METTL15: variants seen among roughly 807,000 people sequenced by gnomAD.
METTL15 encodes methyltransferase 15, mitochondrial 12S rRNA N4-cytidine.
Under a neutral mutation model 38.3 loss-of-function variants are expected in METTL15, and 34 were observed. That is an observed-to-expected ratio of 0.89 (90% CI 0.68 to 1.18). The LOEUF is 1.18. Ranked by LOEUF, METTL15 falls within the 50% of genes most tolerant of loss-of-function variation. METTL15 has a pLI of 0.00. For missense variants in METTL15, 438 were observed against 498.4 expected (o/e 0.88, Z 1.15); for synonymous variants, 162 against 170.9 (o/e 0.95, Z 0.41).
At chr11:28,448,440 G>T (rs1475949055) in intron 6 of METTL15, among the ~76,000 whole-genome samples, 1 of 152,084 alleles carries the variant, frequency 6.6e-6, no homozygotes, top group Non-Finnish European at 1.5e-5. Context: ...TCAAGATCTT[G>T]CTTCTCATGG....
chr11:28,303,595 A>G (rs1267115418), intron 6 of METTL15, among the ~76,000 whole-genome samples: 6 of 152,168 alleles, frequency 3.9e-5, no homozygotes, highest in Non-Finnish European at 7.4e-5. Flanking sequence ...AAATGTATAG[A>G]TTTATTCCTT....
chr11:28,457,504 G>C (rs1231177070), intron 6 of METTL15, among the ~76,000 whole-genome samples: 1 of 152,164 alleles, frequency 6.6e-6, no homozygotes. Context: ...CAAGCAGTCT[G>C]AAAGGTTGAT....
chr11:28,236,698 G>A (rs1055537373), intron 4 of METTL15, among the ~76,000 whole-genome samples: 7 of 152,050 alleles, frequency 4.6e-5, no homozygotes, highest in African/African-American at 1.4e-4. Flanking sequence ...TCCTAATCTC[G>A]ATGTTCTTTA....
intron 4 of METTL15, among the ~76,000 whole-genome samples, chr11:28,220,113 C>T (rs1853123660): frequency 6.6e-6 from 1 of 152,082 alleles, no homozygotes; most frequent in Non-Finnish European, 1.5e-5. Context: ...TCCTGTATAT[C>T]TTTTTTAACT....
chr11:28,154,942 C>G (rs1055749110), intron 3 of METTL15, among the ~76,000 whole-genome samples: 1 of 152,022 alleles, frequency 6.6e-6, no homozygotes, highest in South Asian at 2.1e-4. Flanking sequence ...CAAAACTGGG[C>G]AAGTTTTATC....
At chr11:28,165,274 G>A (rs1021055145) in intron 3 of METTL15, among the ~76,000 whole-genome samples, 1 of 151,928 alleles carries the variant, frequency 6.6e-6, no homozygotes, top group Admixed American at 6.6e-5. Context: ...TTTTCATAAT[G>A]GTTGTATTAA....
intron 6 of METTL15, among the ~76,000 whole-genome samples, chr11:28,313,546 T>C (rs1002804308): frequency 4.6e-5 from 7 of 151,916 alleles, no homozygotes; most frequent in Non-Finnish European, 1.0e-4. Context: ...TGTTAGGAAA[T>C]TAAAAAAAAC....
chr11:28,162,680 C>T (rs1850508384), intron 3 of METTL15, among the ~76,000 whole-genome samples: 1 of 152,068 alleles, frequency 6.6e-6, no homozygotes, highest in African/African-American at 2.4e-5. Flanking sequence ...GTGCTCTGGA[C>T]TCTTCTATTA....
chr11:28,220,008 G>A (rs774987683), intron 4 of METTL15, among the ~76,000 whole-genome samples: 21 of 152,146 alleles, frequency 1.4e-4, no homozygotes, highest in Non-Finnish European at 2.4e-4. Context: ...GAATAAGTGC[G>A]ATGTGGTGCT....
intron 6 of METTL15, among the ~76,000 whole-genome samples, chr11:28,494,531 C>T (rs4489727): frequency 0.41 from 62,588 of 151,912 alleles, 14,440 homozygotes; most frequent in Admixed American, 0.53. Context: ...TGTGCTTTAT[C>T]ATCTTATCTC....
downstream of METTL15, among the ~76,000 whole-genome samples, chr11:28,336,950 T>G (rs1849906140): frequency 6.6e-6 from 1 of 152,164 alleles, no homozygotes; most frequent in African/African-American, 2.4e-5. Context: ...TGTACATTAT[T>G]ACCCCTGAAC....
At chr11:28,202,700 A>AT (rs1458574125) in intron 3 of METTL15, among the ~76,000 whole-genome samples, 1 of 152,070 alleles carries the variant, frequency 6.6e-6, no homozygotes, top group Non-Finnish European at 1.5e-5. Flanking sequence ...TTTAACTAAA[A>AT]TTTTTTCAAA....
At chr11:28,461,263 G>A (rs1851211592) in intron 6 of METTL15, among the ~76,000 whole-genome samples, 1 of 152,036 alleles carries the variant, frequency 6.6e-6, no homozygotes, top group South Asian at 2.1e-4. Flanking sequence ...TTGAGCAATT[G>A]ACAAGTGGGG....
chr11:28,372,866 G>A (rs1479309402), intron 5 of METTL15, among the ~76,000 whole-genome samples: 50 of 142,696 alleles, frequency 3.5e-4, no homozygotes, highest in African/African-American at 1.1e-3. Flanking sequence ...GAGAATATGC[G>A]GTGTTTGGTT....
chr11:28,366,526 A>G (rs770191934), intron 5 of METTL15, among the ~76,000 whole-genome samples: 1 of 152,194 alleles, frequency 6.6e-6, no homozygotes, highest in Non-Finnish European at 1.5e-5. Flanking sequence ...ACTGCCATCA[A>G]TTGAGTGAGC....
intron 4 of METTL15, among the ~76,000 whole-genome samples, chr11:28,219,162 G>A (rs1214609009): frequency 6.6e-6 from 1 of 152,172 alleles, no homozygotes; most frequent in Non-Finnish European, 1.5e-5. Flanking sequence ...ACCTCTGGTA[G>A]AATTAGGCTG....
intron 5 of METTL15, among the ~76,000 whole-genome samples, chr11:28,376,717 T>G (rs1185791335): frequency 2.6e-5 from 4 of 151,632 alleles, no homozygotes; most frequent in African/African-American, 4.8e-5. Context: ...GTTAGCTGGT[T>G]ATTTTGCTCG....
rs1469801792 is a variant in METTL15, at chr11:28,148,962, C to T, written c.270+35358C>T. ...CTGCATTCATAGCATAATAATACTG[C>T]GTTAAAAGGATGGGAAATGAGAATA... On this transcript the variant is annotated intron_variant, in intron 3 of 6. Coordinates refer to ENST00000407364, the MANE Select transcript of METTL15 (RefSeq NM_001113528.2). 3.3e-5 allele frequency among the ~76,000 whole-genome samples: 5 copies of T among 151,944 alleles called. No individual in the cohort carries two copies. In the East Asian group the frequency reaches 5.8e-4, roughly 18 times the overall value.
At chr11:28,383,143 G>C (rs963137134) in intron 5 of METTL15, among the ~76,000 whole-genome samples, 7 of 152,072 alleles carry the variant, frequency 4.6e-5, no homozygotes, top group African/African-American at 1.7e-4. Context: ...GTAGGCCCCA[G>C]TATCTATTGT....
Sources: allele counts gnomAD v4.1 joint callset (sites outside exome capture counted in the v4.1 genomes callset), GRCh38; gene constraint gnomAD v4.1.1; transcripts MANE v1.5; gene names NCBI Gene and HGNC (gene_info 2026-07-23, HGNC 2026-07-21).